Variants in EBF2 observed in about 807,000 individuals in gnomAD.
EBF2 encodes transcription factor COE2.
Under a neutral mutation model 72.8 loss-of-function variants are expected in EBF2, and 21 were observed. That is an observed-to-expected ratio of 0.29 (90% CI 0.20 to 0.42). The LOEUF is 0.42. Among genes scored for constraint, EBF2 ranks in the 10% least tolerant of loss-of-function variants. The pLI is 1.00. For missense variants in EBF2, 637 were observed against 731.2 expected, an observed-to-expected ratio of 0.87 and a Z score of 1.49; for synonymous variants, 299 against 274.2, an observed-to-expected ratio of 1.09 and a Z score of -0.89.
chr8:25,860,046 G>C (rs1382208526), intron 13 of EBF2, among the ~76,000 whole-genome samples: 1 of 148,874 alleles, frequency 6.7e-6, no homozygotes, highest in Non-Finnish European at 1.5e-5. Context: ...ACTCTCCCTG[G>C]GCAAAAAAAA....
chr8:26,040,851 C>G lies in EBF2; in HGVS notation c.352+88G>C, dbSNP rs1805587524. ...CCCGCCGCCCTGGGCTCCATGCGAT[C>G]CCTGAGAGTGATCATGGCAAGGTCA... On this transcript the variant is annotated intron_variant, in intron 3 of 15. Transcript: ENST00000520164. 7.6e-6 allele frequency: 12 copies of G among 1,581,662 alleles called. No homozygotes were observed. In the South Asian group the frequency reaches 1.2e-4, roughly 16 times the overall value.
At position 25,842,693 on chromosome 8, in the gene EBF2, G is replaced by A. The variant is rs570015244; in HGVS notation, c.*1916C>T. On this transcript the variant is annotated 3_prime_UTR_variant, in exon 16 of 16. Coordinates refer to ENST00000520164, the MANE Select transcript of EBF2 (RefSeq NM_022659.4). The stretch of plus-strand genomic sequence containing the variant: ...AGCATGCCAGGTTTCTAAAACCTTG[G>A]ATTCTCATGTGCATAGAAATAATAT... 1 of 152,248 alleles carries A rather than the reference G, an allele frequency of 6.6e-6. No individual in the cohort carries two copies. The highest frequency in any genetic ancestry group is 2.4e-5 in the African/African-American group (1 of 41,532). 9.4% of individuals were successfully genotyped at this position (152,248 alleles called of 1,614,324 possible). A position where few individuals can be genotyped will look rare whatever the true frequency, so the allele number is the denominator to read the frequency against.
intron 6 of EBF2, among the ~76,000 whole-genome samples, chr8:25,949,859 G>C (rs1042270994): frequency 5.9e-5 from 9 of 152,182 alleles, no homozygotes; most frequent in Admixed American, 3.3e-4. Context: ...CCTCGAGCTG[G>C]CCTGCAGGCA....
At chr8:25,925,437 G>A (rs11992365) in intron 6 of EBF2, among the ~76,000 whole-genome samples, 11,336 of 151,910 alleles carry the variant, frequency 0.075, 1,477 homozygotes, top group African/African-American at 0.26. Flanking sequence ...CATACAGCAA[G>A]GTGTGAACAG....
intron 6 of EBF2, among the ~76,000 whole-genome samples, chr8:26,012,725 G>A (rs558167243): frequency 6.6e-6 from 1 of 152,232 alleles, no homozygotes; most frequent in Non-Finnish European, 1.5e-5. Flanking sequence ...TTTCAAACAG[G>A]TGATCCTAGC....
intron 10 of EBF2, among the ~76,000 whole-genome samples, chr8:25,885,408 C>T (rs917837541): frequency 5.9e-5 from 9 of 152,186 alleles, no homozygotes; most frequent in Non-Finnish European, 8.8e-5. Flanking sequence ...CCAATTTCTC[C>T]TCCCTTAACC....
chr8:25,886,876 TA>T lies in EBF2; in HGVS notation c.887del (p.Ile296LysfsTer19). The T allele has an allele frequency of 6.2e-7, 1 of 1,611,916 alleles. No individual in the cohort carries two copies. Among genetic ancestry groups the T allele is most frequent in the Non-Finnish European group, 8.5e-7 (1 of 1,178,974 alleles). The part of the protein sequence containing the change: ...FGTMLVWSEL[I>X]TPHAIRVQTP... ...TCTGTACTCTGATGGCATGAGGGGT[TA>T]TTAGCTGAGGAATGAACAGGCAGGG... On this transcript the variant is annotated frameshift_variant, in exon 10 of 16. Transcript: ENST00000520164. LOFTEE classifies it high-confidence loss of function.
At chr8:25,984,817 AT>A (rs1211307611) in intron 6 of EBF2, among the ~76,000 whole-genome samples, 4 of 151,618 alleles carry the variant, frequency 2.6e-5, no homozygotes. Flanking sequence ...AGGCCTTGAG[AT>A]TTTTACAGAG....
chr8:25,893,439 A>G (rs1343024909), intron 7 of EBF2, among the ~76,000 whole-genome samples: 2 of 151,898 alleles, frequency 1.3e-5, no homozygotes, highest in Non-Finnish European at 2.9e-5. Context: ...GGTACCTGCC[A>G]CCACACCCAG....
chr8:25,874,711 G>T (rs1802492125), intron 10 of EBF2, among the ~76,000 whole-genome samples: 1 of 152,016 alleles, frequency 6.6e-6, no homozygotes, highest in Middle Eastern at 3.4e-3. Context: ...TAAGAAACAA[G>T]GTTTCCCTCT....
At chr8:25,987,495 C>T (rs1042713290) in intron 6 of EBF2, among the ~76,000 whole-genome samples, 4 of 152,146 alleles carry the variant, frequency 2.6e-5, no homozygotes, top group African/African-American at 9.7e-5. Flanking sequence ...ACACAACCAT[C>T]GTATCACCTT....
At chr8:25,935,759 C>T (rs943463071) in intron 6 of EBF2, among the ~76,000 whole-genome samples, 2 of 152,196 alleles carry the variant, frequency 1.3e-5, no homozygotes, top group Admixed American at 6.5e-5. Flanking sequence ...TTTCATTATG[C>T]ACTTTGAGTC....
chr8:25,912,989 A>G (rs184242851), intron 6 of EBF2, among the ~76,000 whole-genome samples: 84 of 152,296 alleles, frequency 5.5e-4, no homozygotes, highest in Non-Finnish European at 6.2e-4. Flanking sequence ...ATCACAGGAA[A>G]GGTAACTACT....
chr8:25,945,088 G>GCCCCC (rs11461828), intron 6 of EBF2, among the ~76,000 whole-genome samples: 10 of 127,474 alleles, frequency 7.8e-5, no homozygotes, highest in East Asian at 2.4e-4. Flanking sequence ...TTGTTCTGTT[G>GCCCCC]CCCCCCCCGC....
intron 6 of EBF2, among the ~76,000 whole-genome samples, chr8:25,911,084 A>G (rs1168175571): frequency 6.6e-6 from 1 of 152,040 alleles, no homozygotes; most frequent in African/African-American, 2.4e-5. Context: ...TCTTGATACA[A>G]AACCTTCACT....
intron 6 of EBF2, among the ~76,000 whole-genome samples, chr8:26,031,288 C>A (rs1158345297): frequency 1.3e-5 from 2 of 151,740 alleles, no homozygotes; most frequent in Non-Finnish European, 2.9e-5. Flanking sequence ...CCCAGAGAAT[C>A]CCTGGGAAAC....
At position 25,844,374 on chromosome 8, in the gene EBF2, C is replaced by G; in HGVS notation, c.*235G>C. 1 of 487,664 alleles carries G rather than the reference C, an allele frequency of 2.1e-6. No homozygotes were observed. The highest frequency in any genetic ancestry group is 3.7e-6 in the Non-Finnish European group (1 of 272,702). 30.2% of individuals were successfully genotyped at this position (487,664 alleles called of 1,614,324 possible). A position where few individuals can be genotyped will look rare whatever the true frequency, so the allele number is the denominator to read the frequency against. On this transcript the variant is annotated 3_prime_UTR_variant, in exon 16 of 16. Coordinates refer to ENST00000520164, the MANE Select transcript of EBF2 (RefSeq NM_022659.4). ...AAGAATTGCATTTCTGCTCTTAGCA[C>G]TGACTACGTCAATGACATCTTTTGT...
chr8:25,979,395 A>T (rs1310052976), intron 6 of EBF2, among the ~76,000 whole-genome samples: 1 of 152,152 alleles, frequency 6.6e-6, no homozygotes, highest in African/African-American at 2.4e-5. Flanking sequence ...GTCATGCCAC[A>T]CGGCATTCGG....
chr8:25,904,950 G>T (rs1803011369), intron 7 of EBF2, among the ~76,000 whole-genome samples: 1 of 152,114 alleles, frequency 6.6e-6, no homozygotes, highest in South Asian at 2.1e-4. Flanking sequence ...ACATGTTTGA[G>T]AAGGAGCCAG....
Sources: allele counts gnomAD v4.1 joint callset (sites outside exome capture counted in the v4.1 genomes callset), GRCh38; gene constraint gnomAD v4.1.1; transcripts MANE v1.5; gene names NCBI Gene and HGNC (gene_info 2026-07-23, HGNC 2026-07-21).